The following SCFD2 variants were observed in gnomAD, a reference collection of about 807,000 sequenced individuals.
SCFD2 encodes the protein sec1 family domain containing 2.
A neutral mutation model predicts 58.9 loss-of-function variants in SCFD2; 54 were observed. That is an observed-to-expected ratio of 0.92 (90% CI 0.74 to 1.15). The LOEUF (loss-of-function observed/expected upper bound fraction) is 1.15. Ranked by LOEUF, SCFD2 falls within the 50% of genes most tolerant of loss-of-function variation. The pLI is 0.00. For missense variants in SCFD2, 805 were observed against 836.6 expected (o/e 0.96, Z 0.47); for synonymous variants, 321 against 335.9 (o/e 0.96, Z 0.49).
intron 4 of SCFD2, among the ~76,000 whole-genome samples, chr4:53,172,353 G>A (rs1727205580): frequency 6.6e-6 from 1 of 152,038 alleles, no homozygotes; most frequent in African/African-American, 2.4e-5. Context: ...TATTTATGCT[G>A]TAATCTTTGT....
intron 2 of SCFD2, among the ~76,000 whole-genome samples, chr4:53,327,389 G>T (rs373286207): frequency 6.6e-6 from 1 of 152,128 alleles, no homozygotes; most frequent in Admixed American, 6.5e-5. Flanking sequence ...CTGCAGCCTG[G>T]CTCAGGATGT....
intron 4 of SCFD2, among the ~76,000 whole-genome samples, chr4:53,179,921 T>A (rs1727485664): frequency 1.3e-5 from 2 of 151,962 alleles, no homozygotes; most frequent in Non-Finnish European, 2.9e-5. Context: ...TACATAATGG[T>A]AAAGGGATCA....
At chr4:53,144,932 G>T (rs1390699334) in intron 5 of SCFD2, among the ~76,000 whole-genome samples, 3 of 152,202 alleles carry the variant, frequency 2.0e-5, no homozygotes, top group African/African-American at 7.2e-5. Context: ...ACAGCAGGAG[G>T]TGTGCAGTGG....
At chr4:53,176,107 A>G (rs901874569) in intron 4 of SCFD2, among the ~76,000 whole-genome samples, 12 of 152,226 alleles carry the variant, frequency 7.9e-5, no homozygotes, top group Non-Finnish European at 1.8e-4. Context: ...CTCAATGTTG[A>G]AGATAATAAT....
At chr4:53,173,649 T>C (rs1292233061) in intron 4 of SCFD2, among the ~76,000 whole-genome samples, 2 of 152,196 alleles carry the variant, frequency 1.3e-5, no homozygotes, top group East Asian at 3.8e-4. Flanking sequence ...GTTTTCTAGA[T>C]ACTTTATTTC....
intron 4 of SCFD2, among the ~76,000 whole-genome samples, chr4:53,217,253 G>A (rs1416451691): frequency 6.6e-6 from 1 of 152,102 alleles, no homozygotes; most frequent in African/African-American, 2.4e-5. Context: ...GGGTGTTAAA[G>A]TCTCCCATTA....
At chr4:53,214,765 C>T (rs1008811032) in intron 4 of SCFD2, among the ~76,000 whole-genome samples, 1 of 152,078 alleles carries the variant, frequency 6.6e-6, no homozygotes, top group Non-Finnish European at 1.5e-5. Flanking sequence ...AGGTTTTCTT[C>T]TAGGGTTTTT....
chr4:53,154,909 G>A (rs144896677), intron 4 of SCFD2, among the ~76,000 whole-genome samples: 2 of 152,336 alleles, frequency 1.3e-5, no homozygotes, highest in Non-Finnish European at 2.9e-5. Context: ...AGAAGGCCAT[G>A]AGCCATGGAA....
chr4:53,287,403 G>A (rs1731703942), intron 3 of SCFD2, among the ~76,000 whole-genome samples: 1 of 152,130 alleles, frequency 6.6e-6, no homozygotes, highest in African/African-American at 2.4e-5. Context: ...TTACCACTGG[G>A]AACCCTAACC....
chr4:53,331,443 C>T (rs1458340925), intron 2 of SCFD2, among the ~76,000 whole-genome samples: 1 of 152,206 alleles, frequency 6.6e-6, no homozygotes. Flanking sequence ...TTAAGAATTT[C>T]ACTCAAAACC....
intron 5 of SCFD2, among the ~76,000 whole-genome samples, chr4:52,967,777 G>C (rs1419764327): frequency 6.6e-6 from 1 of 152,144 alleles, no homozygotes; most frequent in Non-Finnish European, 1.5e-5. Context: ...AGCCATGCCT[G>C]AGCTTGTGAG....
intron 5 of SCFD2, among the ~76,000 whole-genome samples, chr4:53,083,719 C>T (rs969248026): frequency 3.9e-5 from 6 of 152,112 alleles, no homozygotes; most frequent in African/African-American, 7.2e-5. Flanking sequence ...ACAGCTGGGC[C>T]GCCAGGGGTG....
At chr4:52,874,235 C>A (rs985058909) in intron 8 of SCFD2, among the ~76,000 whole-genome samples, 174 bp from the exon 9 acceptor site, 3 of 152,078 alleles carry the variant, frequency 2.0e-5, no homozygotes, top group African/African-American at 4.8e-5. Context: ...TAGTGCCCTG[C>A]CTGGAAGGAG....
intron 4 of SCFD2, among the ~76,000 whole-genome samples, chr4:53,216,966 T>A (rs1728863295): frequency 6.6e-6 from 1 of 152,252 alleles, no homozygotes; most frequent in Non-Finnish European, 1.5e-5. Flanking sequence ...TTGAGTGAGT[T>A]TCTTAATCCT....
intron 2 of SCFD2, among the ~76,000 whole-genome samples, chr4:53,328,482 C>G (rs1303069129): frequency 6.6e-6 from 1 of 151,964 alleles, no homozygotes; most frequent in South Asian, 2.1e-4. Context: ...TCTCATTGAC[C>G]AAATATGGGA....
At chr4:53,328,689 A>G (rs1441716541) in intron 2 of SCFD2, among the ~76,000 whole-genome samples, 1 of 152,244 alleles carries the variant, frequency 6.6e-6, no homozygotes, top group African/African-American at 2.4e-5. Flanking sequence ...TGGAAAAATC[A>G]CTATTATCAG....
chr4:52,941,786 G>A (rs1464668087), intron 5 of SCFD2, among the ~76,000 whole-genome samples: 1 of 152,224 alleles, frequency 6.6e-6, no homozygotes, highest in East Asian at 1.9e-4. Context: ...GAGGCCATGT[G>A]AATACTACAG....
intron 5 of SCFD2, among the ~76,000 whole-genome samples, chr4:53,072,059 C>A (rs1723831341): frequency 6.6e-6 from 1 of 152,072 alleles, no homozygotes; most frequent in Non-Finnish European, 1.5e-5. Flanking sequence ...GCTTCCATAA[C>A]AACTTTACAA....
intron 4 of SCFD2, among the ~76,000 whole-genome samples, chr4:53,149,935 A>G (rs1726458038): frequency 6.6e-6 from 1 of 152,196 alleles, no homozygotes. Flanking sequence ...AAATAACCTA[A>G]CTACTAAATG....
Sources: allele counts gnomAD v4.1 joint callset (sites outside exome capture counted in the v4.1 genomes callset), GRCh38; gene constraint gnomAD v4.1.1; transcripts MANE v1.5; gene names NCBI Gene and HGNC (gene_info 2026-07-23, HGNC 2026-07-21).